CFAP95: variants seen among roughly 807,000 people sequenced by gnomAD.
CFAP95 encodes the protein cilia- and flagella-associated protein 95.
the CFAP95 span, among the ~76,000 whole-genome samples, chr9:69,901,436 C>T: frequency 5.9e-5 from 9 of 152,070 alleles, no homozygotes; most frequent in Admixed American, 4.6e-4. Flanking sequence ...CGCGCCCGGC[C>T]GGTGTTTGGT....
At chr9:69,852,144 G>T in the CFAP95 span, among the ~76,000 whole-genome samples, 1 of 151,688 alleles carries the variant, frequency 6.6e-6, no homozygotes, top group African/African-American at 2.4e-5. Context: ...GATTTTAAAA[G>T]ATAATCAAGC....
At chr9:69,846,519 G>A in the CFAP95 span, among the ~76,000 whole-genome samples, 1 of 152,198 alleles carries the variant, frequency 6.6e-6, no homozygotes, top group East Asian at 1.9e-4. Flanking sequence ...TAGACTTTCT[G>A]TGTATAAAGC....
At chr9:69,884,296 C>T in the CFAP95 span, 1 of 152,080 alleles carries the variant, frequency 6.6e-6, no homozygotes, top group Non-Finnish European at 1.5e-5. Context: ...ATTTTAGAGA[C>T]AGGATCTCTC....
At chr9:69,858,616 AT>A in the CFAP95 span, among the ~76,000 whole-genome samples, 1 of 152,216 alleles carries the variant, frequency 6.6e-6, no homozygotes, top group Non-Finnish European at 1.5e-5. Context: ...AAATCAAAAA[AT>A]AAGATGTCTT....
the CFAP95 span, among the ~76,000 whole-genome samples, chr9:69,860,848 G>A: frequency 6.6e-6 from 1 of 151,966 alleles, no homozygotes; most frequent in Non-Finnish European, 1.5e-5. Flanking sequence ...TCCACATCTT[G>A]AGCTTCTGAT....
chr9:69,877,442 G>A, the CFAP95 span, among the ~76,000 whole-genome samples: 2 of 152,176 alleles, frequency 1.3e-5, no homozygotes, highest in South Asian at 2.1e-4. Context: ...CATTCCACAC[G>A]TACATAAATT....
At chr9:69,891,500 CT>C in the CFAP95 span, among the ~76,000 whole-genome samples, 51,996 of 146,034 alleles carry the variant, frequency 0.36, 9,294 homozygotes, top group Middle Eastern at 0.55. Context: ...CTATATTCTT[CT>C]TTTTTTTTTT....
the CFAP95 span, chr9:69,857,836 A>C: frequency 7.2e-7 from 1 of 1,392,964 alleles, no homozygotes; most frequent in Non-Finnish European, 1.0e-6. Context: ...CCCCTAAATT[A>C]GTTTTACATG....
At chr9:69,883,194 T>C in the CFAP95 span, among the ~76,000 whole-genome samples, 1 of 152,152 alleles carries the variant, frequency 6.6e-6, no homozygotes, top group East Asian at 1.9e-4. Flanking sequence ...CAGGTTTATT[T>C]TGGAGAATAA....
the CFAP95 span, among the ~76,000 whole-genome samples, chr9:69,824,120 C>A: frequency 0.1 from 15,404 of 152,154 alleles, 877 homozygotes; most frequent in South Asian, 0.19. Flanking sequence ...AATTCAGTAT[C>A]ATCTGATTTT....
chr9:69,838,135 C>A, the CFAP95 span, among the ~76,000 whole-genome samples: 1 of 152,118 alleles, frequency 6.6e-6, no homozygotes, highest in Non-Finnish European at 1.5e-5. Context: ...GTGACTGTAG[C>A]CTTGTAGTAT....
chr9:69,885,147 G>A, the CFAP95 span: 1 of 152,178 alleles, frequency 6.6e-6, no homozygotes, highest in South Asian at 2.1e-4. Context: ...GTCTAAGTTG[G>A]ACTTGTTATT....
chr9:69,889,294 C>CT, the CFAP95 span, among the ~76,000 whole-genome samples: 1 of 152,170 alleles, frequency 6.6e-6, no homozygotes, highest in African/African-American at 2.4e-5. Flanking sequence ...CCTGGCATTG[C>CT]TTAACTTGCT....
chr9:69,861,730 C>CAAAAAAAAAA, the CFAP95 span, among the ~76,000 whole-genome samples: 1 of 86,850 alleles, frequency 1.2e-5, no homozygotes, highest in African/African-American at 4.5e-5. Context: ...TCTTATGAGT[C>CAAAAAAAAAA]AAAAAAAAAA....
chr9:69,832,620 A>ATTTTTTTTTTTTTTTTTTTTTTTTTTT, the CFAP95 span, among the ~76,000 whole-genome samples: 10 of 11,350 alleles, frequency 8.8e-4, no homozygotes, highest in South Asian at 8.8e-3. Context: ...GTCTATTCGG[A>ATTTTTTTTTTTTTTTTTTTTTTTTTTT]TTTTTTTTTT....
chr9:69,864,535 T>G, the CFAP95 span, among the ~76,000 whole-genome samples: 11 of 152,166 alleles, frequency 7.2e-5, no homozygotes, highest in Non-Finnish European at 1.6e-4. Context: ...TTTCCCACTC[T>G]AAAATTTTAT....
At chr9:69,860,065 T>C in the CFAP95 span, among the ~76,000 whole-genome samples, 1 of 152,224 alleles carries the variant, frequency 6.6e-6, no homozygotes, top group Non-Finnish European at 1.5e-5. Flanking sequence ...CCTAGGACAT[T>C]ACTAAATACT....
At chr9:69,866,796 C>A in the CFAP95 span, among the ~76,000 whole-genome samples, 2 of 152,194 alleles carry the variant, frequency 1.3e-5, no homozygotes, top group Non-Finnish European at 2.9e-5. Context: ...TTTGAAATTT[C>A]TCAAATCAAA....
the CFAP95 span, among the ~76,000 whole-genome samples, chr9:69,842,272 G>A: frequency 6.6e-6 from 1 of 152,170 alleles, no homozygotes; most frequent in Non-Finnish European, 1.5e-5. Flanking sequence ...GCATGGATCT[G>A]TAAGGGAAGA....
Sources: allele counts gnomAD v4.1 joint callset (sites outside exome capture counted in the v4.1 genomes callset), GRCh38; gene constraint gnomAD v4.1.1; transcripts MANE v1.5; gene names NCBI Gene and HGNC (gene_info 2026-07-23, HGNC 2026-07-21).